The following NEK10 variants were observed in gnomAD, a reference collection of about 807,000 sequenced individuals.
NEK10 encodes the protein NIMA related kinase 10, also known as serine/threonine-protein kinase Nek10.
Under a neutral mutation model 159.8 loss-of-function variants are expected in NEK10, and 122 were observed. The ratio of observed to expected loss-of-function variants is 0.76; its 90% confidence interval spans 0.66 to 0.89. The LOEUF (loss-of-function observed/expected upper bound fraction) is 0.89. NEK10 is among the 40% of genes least tolerant of loss of function. The pLI, the probability that NEK10 is intolerant of heterozygous loss-of-function variation, is 0.00. For missense variants in NEK10, 1,342 were observed against 1,323.1 expected, an observed-to-expected ratio of 1.01 and a Z score of -0.22; for synonymous variants, 466 against 457.1, an observed-to-expected ratio of 1.02 and a Z score of -0.25.
chr3:27,278,556 A>G (rs775464194), intron 22 of NEK10: 5 of 326,038 alleles, frequency 1.5e-5, no homozygotes, highest in Non-Finnish European at 2.2e-5. Context: ...CAGGTGCCAA[A>G]TATCACTTGA....
chr3:27,355,283 A>G (rs2048254450), intron 1 of NEK10, among the ~76,000 whole-genome samples: 2 of 152,084 alleles, frequency 1.3e-5, no homozygotes, highest in Non-Finnish European at 2.9e-5. Context: ...GATCTCTTGC[A>G]GTCCCATGGT....
At chr3:27,152,790 C>T (rs1945015514) in intron 30 of NEK10, among the ~76,000 whole-genome samples, 1 of 151,958 alleles carries the variant, frequency 6.6e-6, no homozygotes, top group African/African-American at 2.4e-5. Flanking sequence ...TAAGGACTCA[C>T]AAAAGTTTAA....
At chr3:27,236,630 T>A (rs1365674269) in intron 23 of NEK10, among the ~76,000 whole-genome samples, 1 of 152,130 alleles carries the variant, frequency 6.6e-6, no homozygotes, top group Admixed American at 6.6e-5. Flanking sequence ...ATGTCCCACC[T>A]GAGCCGCAAA....
At chr3:27,331,976 T>C (rs940317603) in intron 5 of NEK10, among the ~76,000 whole-genome samples, 1 of 152,198 alleles carries the variant, frequency 6.6e-6, no homozygotes, top group Non-Finnish European at 1.5e-5. Context: ...TCATACTAAA[T>C]GGTTTCTTCC....
chr3:27,300,554 A>T (rs529048549), intron 13 of NEK10, among the ~76,000 whole-genome samples: 1 of 152,294 alleles, frequency 6.6e-6, no homozygotes, highest in South Asian at 2.1e-4. Context: ...GAGATACTAC[A>T]TATCTATGTG....
intron 5 of NEK10, among the ~76,000 whole-genome samples, chr3:27,339,358 A>C (rs531191814): frequency 6.6e-6 from 1 of 152,216 alleles, no homozygotes; most frequent in Non-Finnish European, 1.5e-5. Context: ...ACAAGAAAAA[A>C]ACAAACAACC....
intron 31 of NEK10, among the ~76,000 whole-genome samples, chr3:27,133,180 C>G (rs1942808437): frequency 6.6e-6 from 1 of 152,162 alleles, no homozygotes; most frequent in South Asian, 2.1e-4. Flanking sequence ...ACCTGAGCAG[C>G]CCGAATGGAA....
intron 1 of NEK10, among the ~76,000 whole-genome samples, chr3:27,361,776 C>A (rs979052340): frequency 6.6e-6 from 1 of 152,112 alleles, no homozygotes; most frequent in Admixed American, 6.5e-5. Flanking sequence ...GGTGGCGCTG[C>A]AAAAACTAGA....
rs546372765 is a variant in NEK10, at chr3:27,282,311, G to A, written c.2014+2291C>T. The stretch of plus-strand genomic sequence containing the variant: ...TTTATTTTATAAACTATTTTGATGC[G>A]TGATAATGATTAAAGAAAGTAAATA... On this transcript the variant is annotated intron_variant, in intron 22 of 35. Coordinates refer to ENST00000691995, the MANE Select transcript of NEK10 (RefSeq NM_001394966.1). Among the ~76,000 whole-genome samples, 8 of 151,802 alleles carry A rather than the reference G, an allele frequency of 5.3e-5. No individual in the cohort carries two copies. The South Asian group carries it at 6.2e-4, about 12-fold the overall frequency.
intron 1 of NEK10, among the ~76,000 whole-genome samples, chr3:27,365,657 C>T (rs1327816797): frequency 1.6e-5 from 2 of 124,116 alleles, no homozygotes; most frequent in African/African-American, 6.5e-5. Flanking sequence ...CTATTGCCCA[C>T]GGTGGAGTGC....
At chr3:27,131,798 T>C (rs1194735420) in intron 32 of NEK10, 82 bp downstream of exon 32, 1 of 640,174 alleles carries the variant, frequency 1.6e-6, no homozygotes, top group African/African-American at 1.8e-5. Context: ...GAGCTTAAAG[T>C]ACGAAGTAAA....
chr3:27,354,030 T>C (rs1170739314), intron 1 of NEK10, among the ~76,000 whole-genome samples: 1 of 152,184 alleles, frequency 6.6e-6, no homozygotes, highest in Non-Finnish European at 1.5e-5. Flanking sequence ...CCGTAAGTTC[T>C]AAAATAAATG....
chr3:27,222,393 C>G (rs905262733), intron 23 of NEK10, among the ~76,000 whole-genome samples: 1 of 152,012 alleles, frequency 6.6e-6, no homozygotes, highest in African/African-American at 2.4e-5. Flanking sequence ...CAAAACAAAA[C>G]AAAAACCTTT....
intron 22 of NEK10, among the ~76,000 whole-genome samples, chr3:27,269,822 A>T (rs2041193488): frequency 1.3e-5 from 2 of 152,214 alleles, no homozygotes; most frequent in African/African-American, 4.8e-5. Context: ...ATTTTAATAC[A>T]TGAAACTTGT....
intron 32 of NEK10, among the ~76,000 whole-genome samples, chr3:27,123,652 A>C (rs1158294528): frequency 6.6e-6 from 1 of 152,190 alleles, no homozygotes; most frequent in African/African-American, 2.4e-5. Flanking sequence ...GTCCACCTAG[A>C]TACATGTAAA....
chr3:27,162,961 G>T, intron 29 of NEK10: 1 of 211,314 alleles, frequency 4.7e-6, no homozygotes, highest in Non-Finnish European at 8.2e-6. Flanking sequence ...ACAGTTTTTA[G>T]GCTCTAAGTA....
At chr3:27,205,015 G>T (rs1382197863) in intron 23 of NEK10, among the ~76,000 whole-genome samples, 1 of 150,592 alleles carries the variant, frequency 6.6e-6, no homozygotes, top group Non-Finnish European at 1.5e-5. Context: ...ACTGGTGTGA[G>T]ATGGTATCTC....
At position 27,171,858 on chromosome 3, in the gene NEK10, C is replaced by T. The variant is rs3099209; in HGVS notation, c.2792G>A (p.Ser931Asn). 1 of 1,613,428 alleles carries T rather than the reference C, an allele frequency of 6.2e-7. No individual in the cohort carries two copies. Among genetic ancestry groups the T allele is most frequent in the African/African-American group, 1.3e-5 (1 of 74,886 alleles). Residue 931 changes from serine (S) to asparagine (N), a missense_variant, in exon 29 of 36, where the codon AGT becomes AAT. Physicochemically the swap from Ser to Asn is conservative, Grantham distance 46 (BLOSUM62 1). Transcript: ENST00000691995. The stretch of plus-strand genomic sequence containing the variant: ...TCTTTCTCCTCCTGAAGCACTAAAA[C>T]TTCTCTTTAAAATGTCTGAGACGAG... ...KESTFNILKRSFSASGGERQS... is the reference protein window; with the variant it reads ...KESTFNILKRNFSASGGERQS...
chr3:27,338,327 A>G (rs901181739), intron 5 of NEK10, among the ~76,000 whole-genome samples: 1 of 152,178 alleles, frequency 6.6e-6, no homozygotes, highest in African/African-American at 2.4e-5. Flanking sequence ...TTCTTTACCC[A>G]GTCTATTATT....
Sources: allele counts gnomAD v4.1 joint callset (sites outside exome capture counted in the v4.1 genomes callset), GRCh38; gene constraint gnomAD v4.1.1; transcripts MANE v1.5; gene names NCBI Gene and HGNC (gene_info 2026-07-23, HGNC 2026-07-21).